Variants in JAKMIP3 observed in about 807,000 individuals in gnomAD.
The protein encoded by JAKMIP3 is janus kinase and microtubule-interacting protein 3.
JAKMIP3 carries 58 observed loss-of-function variants against 118.5 expected under a neutral mutation model. The ratio of observed to expected loss-of-function variants is 0.49; its 90% CI spans 0.40 to 0.61. The LOEUF is 0.61. Ranked by LOEUF, JAKMIP3 falls within the 20% of genes least tolerant of loss-of-function variation. JAKMIP3 has a pLI of 0.00. For synonymous variants in JAKMIP3, 486 were observed against 451.2 expected, an observed-to-expected ratio of 1.08 and a Z score of -0.98; for missense variants, 950 against 1,109.0, an observed-to-expected ratio of 0.86 and a Z score of 2.04.
intron 1 of JAKMIP3, among the ~76,000 whole-genome samples, chr10:132,038,177 T>C (rs529014271): frequency 3.3e-3 from 503 of 152,350 alleles, no homozygotes; most frequent in Middle Eastern, 6.8e-3. Context: ...TGGCTTTTAT[T>C]GTCAATTTCC....
chr10:132,095,437 C>G (rs1378500168), intron 1 of JAKMIP3, among the ~76,000 whole-genome samples: 1 of 152,226 alleles, frequency 6.6e-6, no homozygotes. Flanking sequence ...CTCGACTCAG[C>G]TCCAGGTGAG....
intron 20 of JAKMIP3, 53 bp downstream of exon 20, chr10:132,163,465 C>G: frequency 2.7e-6 from 4 of 1,505,094 alleles, no homozygotes; most frequent in Non-Finnish European, 8.9e-7. Flanking sequence ...AGGACCTGCA[C>G]AGAGCCAGGG....
intron 1 of JAKMIP3, among the ~76,000 whole-genome samples, chr10:132,048,157 T>C (rs1385166897): frequency 6.6e-6 from 1 of 152,234 alleles, no homozygotes; most frequent in Admixed American, 6.5e-5. Flanking sequence ...AGGGCGATGT[T>C]GCTGGACCAC....
intron 23 of JAKMIP3, among the ~76,000 whole-genome samples, chr10:132,177,664 T>C (rs1311093695): frequency 3.3e-5 from 5 of 150,254 alleles, no homozygotes; most frequent in African/African-American, 7.4e-5. Context: ...AGTGTGCGTG[T>C]GTGTGTCCAC....
At chr10:132,041,432 G>A (rs918973175) in intron 1 of JAKMIP3, among the ~76,000 whole-genome samples, 2 of 152,200 alleles carry the variant, frequency 1.3e-5, no homozygotes, top group South Asian at 4.1e-4. Flanking sequence ...GCAGGATCCC[G>A]GCAGCATGGG....
exon 1 of JAKMIP3, among the ~76,000 whole-genome samples, chr10:132,036,725 C>T (rs1589992737): frequency 6.6e-6 from 1 of 150,870 alleles, no homozygotes; most frequent in Admixed American, 6.6e-5. Flanking sequence ...CAGAGTCGCT[C>T]GCGGGGAGCC....
At chr10:132,138,697 T>C (rs542882357) in intron 9 of JAKMIP3, among the ~76,000 whole-genome samples, 76 of 152,294 alleles carry the variant, frequency 5.0e-4, no homozygotes, top group South Asian at 8.3e-4. Flanking sequence ...ACACTAGCAA[T>C]GAAGAGGTGC....
intron 1 of JAKMIP3, among the ~76,000 whole-genome samples, chr10:132,048,815 AT>A: frequency 6.6e-6 from 1 of 150,552 alleles, no homozygotes; most frequent in East Asian, 2.0e-4. Context: ...TTTTTTTTGT[AT>A]TTTTTGGTAG....
In JAKMIP3 at chr10:132,104,765, G is replaced by C; in HGVS notation, c.-44G>C. The C allele has an allele frequency of 6.5e-7, 1 of 1,538,726 alleles. No homozygotes were observed. Among genetic ancestry groups the C allele is most frequent in the Non-Finnish European group, 8.8e-7 (1 of 1,138,784 alleles). On this transcript the variant is annotated 5_prime_UTR_variant, in exon 2 of 24. Coordinates refer to ENST00000684848, the MANE Select transcript of JAKMIP3 (RefSeq NM_001323087.2). ...AGCCACCCCCAGCCCAGCCCAGCCG[G>C]AGCACCCTACCCCTGGGCATCCCCC... is the stretch of plus-strand genomic sequence containing the variant.
intron 3 of JAKMIP3, among the ~76,000 whole-genome samples, chr10:132,121,247 G>T (rs956106949): frequency 2.6e-5 from 4 of 152,102 alleles, no homozygotes; most frequent in Non-Finnish European, 4.4e-5. Flanking sequence ...GGAGCTGCAG[G>T]CGGGAGGAAC....
intron 3 of JAKMIP3, among the ~76,000 whole-genome samples, chr10:132,132,406 G>A (rs973449392): frequency 6.6e-6 from 1 of 152,182 alleles, no homozygotes; most frequent in African/African-American, 2.4e-5. Context: ...CTGAAGAGCG[G>A]GGGCTGTCGG....
At chr10:132,036,929 C>T (rs1283237050) in intron 1 of JAKMIP3, among the ~76,000 whole-genome samples, 1 of 152,148 alleles carries the variant, frequency 6.6e-6, no homozygotes, top group East Asian at 1.9e-4. Flanking sequence ...CGGCGGTCCC[C>T]CCGTGGGCGG....
At chr10:132,121,394 C>G (rs949755426) in intron 3 of JAKMIP3, among the ~76,000 whole-genome samples, 1 of 152,210 alleles carries the variant, frequency 6.6e-6, no homozygotes, top group African/African-American at 2.4e-5. Context: ...AACCTTGGTT[C>G]CTTACATCAG....
chr10:132,051,384 C>G (rs554191966), intron 1 of JAKMIP3, among the ~76,000 whole-genome samples: 2 of 151,002 alleles, frequency 1.3e-5, no homozygotes, highest in South Asian at 2.1e-4. Flanking sequence ...CCTGTCTTTC[C>G]TGGCATGGTT....
intron 5 of JAKMIP3, 59 bp downstream of exon 5, chr10:132,135,219 T>G: frequency 1.3e-6 from 2 of 1,511,150 alleles, no homozygotes; most frequent in Non-Finnish European, 1.8e-6. Context: ...GCTGGGGACC[T>G]GGGGGGCATC....
At chr10:132,069,961 T>C (rs1308757313) in intron 1 of JAKMIP3, among the ~76,000 whole-genome samples, 4 of 151,892 alleles carry the variant, frequency 2.6e-5, no homozygotes. Context: ...ACATGGGGAG[T>C]TCTGCAGCCT....
chr10:132,121,743 G>A (rs1480049603), intron 3 of JAKMIP3, among the ~76,000 whole-genome samples: 6 of 152,290 alleles, frequency 3.9e-5, no homozygotes, highest in Non-Finnish European at 8.8e-5. Context: ...GGGAGCTGGG[G>A]GTTTCCGTGC....
chr10:132,154,224 T>C (rs971156908), intron 19 of JAKMIP3, among the ~76,000 whole-genome samples: 1 of 152,236 alleles, frequency 6.6e-6, no homozygotes, highest in African/African-American at 2.4e-5. Flanking sequence ...AAACCCACAC[T>C]GTGCAGTGAG....
At position 132,167,930 on chromosome 10, in the gene JAKMIP3, A is replaced by G. The variant is rs947325882; in HGVS notation, c.*23-23A>G. ...CCAAGCGGAGCCTCGCTGACTCTGC[A>G]CTCTACGTTTCATTTCTTCCAGCCC... is the stretch of plus-strand genomic sequence containing the variant. On this transcript the variant is annotated intron_variant, in intron 22 of 23. Transcript: ENST00000684848. The G allele has an allele frequency of 9.3e-6, 12 of 1,285,092 alleles. No homozygotes were observed. In the African/African-American group the frequency reaches 1.8e-4, roughly 20 times the overall value. 79.6% of individuals were successfully genotyped at this position (1,285,092 alleles called of 1,614,324 possible).
Sources: gnomAD v4.1 joint callset for allele counts (sites outside exome capture counted in the v4.1 genomes callset) on GRCh38, gnomAD v4.1.1 for gene constraint, MANE v1.5 for transcripts, NCBI Gene and HGNC (gene_info 2026-07-23, HGNC 2026-07-21) for gene names.